The following CARM1 variants were observed in gnomAD, a reference collection of about 807,000 sequenced individuals.
CARM1 encodes the protein coactivator associated arginine methyltransferase 1.
CARM1 carries 14 observed loss-of-function variants against 72.7 expected under a neutral mutation model. The ratio of observed to expected loss-of-function variants is 0.19; its 90% confidence interval spans 0.13 to 0.30. The LOEUF is 0.30. CARM1 is among the 10% of genes least tolerant of loss of function. CARM1 has a pLI of 1.00. For synonymous variants in CARM1, 333 were observed against 345.5 expected, an observed-to-expected ratio of 0.96 and a Z score of 0.40; for missense variants, 432 against 833.7, an observed-to-expected ratio of 0.52 and a Z score of 5.93.
intron 1 of CARM1, among the ~76,000 whole-genome samples, chr19:10,892,081 T>A (rs998270522): frequency 6.6e-5 from 10 of 152,246 alleles, no homozygotes; most frequent in Admixed American, 1.3e-4. Flanking sequence ...GTGCCTTACG[T>A]TGTGGCTCGA....
chr19:10,922,831 G>C lies in CARM1; in HGVS notation c.*1074G>C, dbSNP rs987974945. On this transcript the variant is annotated 3_prime_UTR_variant, in exon 16 of 16. Coordinates refer to ENST00000327064, the MANE Select transcript of CARM1 (RefSeq NM_199141.2). ...GTTTCTCATACCCCCAAACTCAGATGCTGGAGCTCAGGCCCGCCGTGTGTG... is the reference window on the plus strand; with the variant it reads ...GTTTCTCATACCCCCAAACTCAGATCCTGGAGCTCAGGCCCGCCGTGTGTG... 1 of 155,066 alleles carries C rather than the reference G, an allele frequency of 6.4e-6. No individual in the cohort carries two copies. Among genetic ancestry groups the C allele is most frequent in the Non-Finnish European group, 1.4e-5 (1 of 70,008 alleles). 9.6% of individuals were successfully genotyped at this position (155,066 alleles called of 1,614,324 possible).
At chr19:10,876,991 C>T (rs1417465127) in intron 1 of CARM1, among the ~76,000 whole-genome samples, 1 of 152,204 alleles carries the variant, frequency 6.6e-6, no homozygotes, top group Non-Finnish European at 1.5e-5. Context: ...AGGGGCTAAA[C>T]TTCAGTTTGT....
At chr19:10,895,967 G>A (rs943980688) in intron 1 of CARM1, among the ~76,000 whole-genome samples, 3 of 152,262 alleles carry the variant, frequency 2.0e-5, no homozygotes, top group East Asian at 1.9e-4. Flanking sequence ...GATCTTGACC[G>A]GGAGAGAGTG....
intron 1 of CARM1, among the ~76,000 whole-genome samples, chr19:10,904,536 G>A (rs2074088868): frequency 6.6e-6 from 1 of 152,194 alleles, no homozygotes; most frequent in Non-Finnish European, 1.5e-5. Context: ...GCATGGATGG[G>A]GTGTGAACCC....
chr19:10,901,467 C>T (rs1381755257), intron 1 of CARM1, among the ~76,000 whole-genome samples: 1 of 152,080 alleles, frequency 6.6e-6, no homozygotes, highest in South Asian at 2.1e-4. Flanking sequence ...CAGGCATGCA[C>T]CACCATGCCC....
chr19:10,904,765 C>T (rs955277291), intron 1 of CARM1, among the ~76,000 whole-genome samples, 186 bp from the exon 2 acceptor site: 29 of 152,332 alleles, frequency 1.9e-4, no homozygotes, highest in Admixed American at 1.1e-3. Flanking sequence ...TGATCAGTCG[C>T]TCCCTTGTCT....
At chr19:10,879,688 C>T (rs1243236071) in intron 1 of CARM1, among the ~76,000 whole-genome samples, 1 of 152,138 alleles carries the variant, frequency 6.6e-6, no homozygotes, top group African/African-American at 2.4e-5. Flanking sequence ...TGTCATCTCA[C>T]TGCAACCTCT....
intron 1 of CARM1, among the ~76,000 whole-genome samples, chr19:10,902,258 T>C (rs1358543468): frequency 6.7e-6 from 1 of 148,332 alleles, no homozygotes; most frequent in African/African-American, 2.5e-5. Flanking sequence ...AAAATAAATA[T>C]AATAAAAATA....
At position 10,871,902 on chromosome 19, in the gene CARM1, C is replaced by A; in HGVS notation, c.200C>A (p.Ala67Glu). Residue 67 changes from alanine (A) to glutamate (E), a missense_variant, in exon 1 of 16, where the codon GCG becomes GAG. Ala to Glu is a moderately radical substitution (Grantham distance 107). Coordinates refer to ENST00000327064, the MANE Select transcript of CARM1 (RefSeq NM_199141.2). This position sits in a 1 kb window ranked among gnomAD's most constrained non-coding sequence, Gnocchi z 5.6. Reference sequence around the variant, plus strand: ...GAGGTGCGCGCCGGCCCGGACTCGGCGGGCATCGCCCTCTACAGCCGTGAG... The same window carrying A: ...GAGGTGCGCGCCGGCCCGGACTCGGAGGGCATCGCCCTCTACAGCCGTGAG... ...RLEVRAGPDSAGIALYSHEDV... is the reference protein window; with the variant it reads ...RLEVRAGPDSEGIALYSHEDV... The A allele has an allele frequency of 8.1e-7, 1 of 1,228,158 alleles. No individual in the cohort carries two copies. The highest frequency in any genetic ancestry group is 1.0e-6 in the Non-Finnish European group (1 of 981,748). 76.1% of individuals were successfully genotyped at this position (1,228,158 alleles called of 1,614,324 possible). A position where few individuals can be genotyped will look rare whatever the true frequency, so the allele number is the denominator to read the frequency against.
chr19:10,884,356 A>C (rs569855879), intron 1 of CARM1, among the ~76,000 whole-genome samples: 72 of 151,586 alleles, frequency 4.7e-4, no homozygotes, highest in Middle Eastern at 6.8e-3. Flanking sequence ...AAAAAAAAAA[A>C]CAAAAAGACA....
At chr19:10,918,421 C>CTG (rs1319448435) in intron 8 of CARM1, among the ~76,000 whole-genome samples, 2 of 152,092 alleles carry the variant, frequency 1.3e-5, no homozygotes, top group Non-Finnish European at 2.9e-5. Flanking sequence ...TGGGGCCTCA[C>CTG]TGTGTTACTC....
At chr19:10,891,219 G>C (rs1436828817) in intron 1 of CARM1, among the ~76,000 whole-genome samples, 1 of 152,058 alleles carries the variant, frequency 6.6e-6, no homozygotes, top group Non-Finnish European at 1.5e-5. Flanking sequence ...TGTGCCCGTG[G>C]GTCTTGGGCC....
At chr19:10,895,255 C>T (rs969722405) in intron 1 of CARM1, among the ~76,000 whole-genome samples, 2 of 152,228 alleles carry the variant, frequency 1.3e-5, no homozygotes, top group African/African-American at 4.8e-5. Flanking sequence ...CAGGTGCCCA[C>T]CACCACTCCT....
In CARM1 at chr19:10,900,172, G is replaced by A. The variant is rs190831810; in HGVS notation, c.221-4779G>A. Among the ~76,000 whole-genome samples, 427 of 152,270 alleles carry A rather than the reference G, an allele frequency of 2.8e-3. 1 individual carries two copies. Among genetic ancestry groups the A allele is most frequent in the South Asian group, 0.016 (75 of 4,828 alleles). On this transcript the variant is annotated intron_variant, in intron 1 of 15. Transcript: ENST00000327064. ...AAAAAAATAAACAAAATTAGCCAGG[G>A]GTGGTGGCATGTGCGTGAGGTTCCA...
chr19:10,915,399 G>T lies in CARM1; in HGVS notation c.848-1008G>T, dbSNP rs780311166. ...TCCCAGCAGCCAGCTTGCAGGGAGG[G>T]GGGAGGCCAGGCCTGTGCAAGGAGG... On this transcript the variant is annotated intron_variant, in intron 6 of 15. Coordinates refer to ENST00000327064, the MANE Select transcript of CARM1 (RefSeq NM_199141.2). The surrounding 1 kb of genome is among the most constrained non-coding windows in gnomAD (Gnocchi z 4.6). Among the ~76,000 whole-genome samples, 1 of 152,102 alleles carries T rather than the reference G, an allele frequency of 6.6e-6. No individual in the cohort carries two copies. Among genetic ancestry groups the T allele is most frequent in the African/African-American group, 2.4e-5 (1 of 41,408 alleles).
At chr19:10,921,268 T>G in intron 14 of CARM1, 107 bp from the exon 15 acceptor site, 8 of 1,466,232 alleles carry the variant, frequency 5.5e-6, no homozygotes, top group Non-Finnish European at 7.6e-6. Context: ...CGGCCGAGGC[T>G]CTCCGTCCTC....
At chr19:10,881,799 G>A (rs2073904142) in intron 1 of CARM1, among the ~76,000 whole-genome samples, 1 of 152,178 alleles carries the variant, frequency 6.6e-6, no homozygotes, top group Non-Finnish European at 1.5e-5. Context: ...CATCCAGCCA[G>A]CTTGAAATGG....
chr19:10,874,361 G>GT (rs1320139559), intron 1 of CARM1, among the ~76,000 whole-genome samples: 3 of 151,076 alleles, frequency 2.0e-5, no homozygotes, highest in Non-Finnish European at 3.0e-5. Context: ...ACACTTTTTT[G>GT]TTTTTTTTCT....
At chr19:10,895,379 A>G (rs900412866) in intron 1 of CARM1, among the ~76,000 whole-genome samples, 5 of 152,242 alleles carry the variant, frequency 3.3e-5, no homozygotes, top group Admixed American at 3.3e-4. Context: ...TGCTGGGATT[A>G]CAGGCGCAAG....
Sources: allele counts gnomAD v4.1 joint callset (sites outside exome capture counted in the v4.1 genomes callset), GRCh38; gene constraint gnomAD v4.1.1; non-coding constraint Gnocchi (gnomAD v3.1); transcripts MANE v1.5; gene names NCBI Gene and HGNC (gene_info 2026-07-23, HGNC 2026-07-21).